UPP2: variants seen among roughly 807,000 people sequenced by gnomAD.
The protein encoded by UPP2 is uridine phosphorylase 2.
UPP2 carries 23 observed loss-of-function variants against 26.7 expected under a neutral mutation model. That is an observed-to-expected ratio of 0.86 (90% CI 0.62 to 1.22). The LOEUF is 1.22. Among genes scored for constraint, UPP2 ranks in the 50% most tolerant of loss-of-function variants. The probability of loss-of-function intolerance (pLI) is 0.00; values close to 1 mark genes in which losing one functional copy is unlikely to be tolerated. For missense variants in UPP2, 387 were observed against 396.7 expected (o/e 0.98, Z 0.21); for synonymous variants, 127 against 141.3 (o/e 0.90, Z 0.72).
intron 3 of UPP2, among the ~76,000 whole-genome samples, chr2:158,047,046 G>A (rs1012858341): frequency 6.6e-6 from 1 of 152,196 alleles, no homozygotes; most frequent in African/African-American, 2.4e-5. Context: ...GTTATAAATA[G>A]AGAAATCAGC....
At chr2:158,105,029 G>C (rs1574293489) in intron 1 of UPP2, among the ~76,000 whole-genome samples, 1 of 61,182 alleles carries the variant, frequency 1.6e-5, no homozygotes, top group Non-Finnish European at 3.6e-5. Context: ...GGGGAGGGGA[G>C]GGGAGGGGAG....
rs761831602 is a variant in UPP2, at chr2:158,123,928, C to T, written c.811+33C>T. On this transcript the variant is annotated intron_variant, in intron 6 of 6. Transcript: ENST00000005756. ...TTTCGTGAATGCTTAGGGTCAAATT[C>T]TCCTCTTTCATGAAGCTACTTTTAC... 4 of 1,601,970 alleles carry T rather than the reference C, an allele frequency of 2.5e-6. No homozygotes were observed. The Admixed American group carries it at 5.1e-5, about 21-fold the overall frequency.
chr2:158,122,734 G>A (rs1574307593), intron 5 of UPP2, among the ~76,000 whole-genome samples: 1 of 152,214 alleles, frequency 6.6e-6, no homozygotes, highest in African/African-American at 2.4e-5. Flanking sequence ...ATGCATGACA[G>A]CCTTGACAAG....
intron 3 of UPP2, among the ~76,000 whole-genome samples, chr2:158,035,898 G>A (rs1683992970): frequency 6.6e-6 from 1 of 152,164 alleles, no homozygotes; most frequent in Admixed American, 6.5e-5. Context: ...TGGAATAGGG[G>A]ATTTCTAGGA....
chr2:157,998,581 C>T (rs1683359765), intron 2 of UPP2, among the ~76,000 whole-genome samples: 3 of 152,062 alleles, frequency 2.0e-5, no homozygotes, highest in African/African-American at 7.2e-5. Flanking sequence ...GTGGCTGGAT[C>T]ACTTGAGATT....
intron 3 of UPP2, among the ~76,000 whole-genome samples, chr2:158,046,545 C>T (rs566574692): frequency 9.2e-5 from 14 of 152,288 alleles, no homozygotes; most frequent in Non-Finnish European, 1.9e-4. Flanking sequence ...AAAGAACTTC[C>T]AAGGAAGCAT....
chr2:158,083,904 T>G (rs905849053), intron 3 of UPP2, among the ~76,000 whole-genome samples: 2 of 149,750 alleles, frequency 1.3e-5, no homozygotes, highest in Non-Finnish European at 3.0e-5. Context: ...TCTTTATCTA[T>G]GGTGATTGAG....
At chr2:158,011,578 A>G (rs60388651) in intron 2 of UPP2, among the ~76,000 whole-genome samples, 73,971 of 150,494 alleles carry the variant, frequency 0.49, 21,610 homozygotes, top group Admixed American at 0.68. Flanking sequence ...AGCTTGGGTA[A>G]GTTGTCCACC....
intron 3 of UPP2, among the ~76,000 whole-genome samples, chr2:158,033,673 C>A (rs1683959138): frequency 6.6e-6 from 1 of 152,166 alleles, no homozygotes; most frequent in African/African-American, 2.4e-5. Context: ...CTGCAGGCAG[C>A]TGTCCAACAC....
chr2:158,123,814 A>G lies in UPP2; in HGVS notation c.730A>G (p.Arg244Gly). 1 of 1,614,118 alleles carries G rather than the reference A, an allele frequency of 6.2e-7. No individual in the cohort carries two copies. The highest frequency in any genetic ancestry group is 1.1e-5 in the South Asian group (1 of 91,074). The part of the protein sequence containing the change: ...SREKKLDYLK[R>G]AFKAGVRNIE... ...AGAAAAAAAGTTAGACTACTTGAAG[A>G]GAGCATTTAAAGCTGGTGTCAGGAA... The change falls in exon 6 of 7, where the codon AGA becomes GGA. Residue 244 changes from arginine to glycine, a missense_variant. Arg to Gly is a moderately radical substitution (Grantham distance 125, BLOSUM62 -2). Coordinates refer to ENST00000005756, the MANE Select transcript of UPP2 (RefSeq NM_173355.4).
At chr2:158,062,465 T>C (rs545677877) in intron 3 of UPP2, among the ~76,000 whole-genome samples, 1 of 152,136 alleles carries the variant, frequency 6.6e-6, no homozygotes, top group South Asian at 2.1e-4. Context: ...ACGTGCAAGG[T>C]TTTTAACCAG....
intron 3 of UPP2, among the ~76,000 whole-genome samples, chr2:158,059,521 A>G (rs936077983): frequency 2.0e-5 from 3 of 152,160 alleles, no homozygotes; most frequent in Admixed American, 2.0e-4. Context: ...GTCATACATC[A>G]TATCTTGGCA....
chr2:158,093,604 C>T (rs1382833223), intron 3 of UPP2, among the ~76,000 whole-genome samples: 1 of 152,006 alleles, frequency 6.6e-6, no homozygotes, highest in African/African-American at 2.4e-5. Context: ...GACTGCCAAA[C>T]ATATATAAAG....
chr2:158,007,109 T>C (rs748429363), intron 2 of UPP2, among the ~76,000 whole-genome samples: 1 of 152,190 alleles, frequency 6.6e-6, no homozygotes, highest in African/African-American at 2.4e-5. Context: ...GCAGCAGCAC[T>C]CAGTAGTAAT....
intron 3 of UPP2, among the ~76,000 whole-genome samples, chr2:158,016,429 C>T (rs1385757800): frequency 6.6e-6 from 1 of 152,018 alleles, no homozygotes; most frequent in Non-Finnish European, 1.5e-5. Flanking sequence ...CAACCTCCAC[C>T]TCCTGGGTTC....
intron 3 of UPP2, among the ~76,000 whole-genome samples, chr2:158,078,151 T>C (rs1027629207): frequency 2.0e-5 from 3 of 152,074 alleles, no homozygotes; most frequent in African/African-American, 4.8e-5. Context: ...AGGAAGGATA[T>C]GGAGAAAAGG....
At chr2:158,083,697 A>T (rs1032398292) in intron 3 of UPP2, among the ~76,000 whole-genome samples, 10 of 151,846 alleles carry the variant, frequency 6.6e-5, no homozygotes, top group Non-Finnish European at 1.0e-4. Context: ...CAGAACTTAA[A>T]GTATAATTAA....
chr2:158,044,676 C>T (rs1057247392), intron 3 of UPP2, among the ~76,000 whole-genome samples: 1 of 152,138 alleles, frequency 6.6e-6, no homozygotes, highest in African/African-American at 2.4e-5. Context: ...TTTTAAGGAA[C>T]AGAAATGCAC....
chr2:158,097,212 C>T (rs1558929278), upstream of UPP2, among the ~76,000 whole-genome samples: 2 of 152,044 alleles, frequency 1.3e-5, no homozygotes, highest in Non-Finnish European at 2.9e-5. Context: ...TCTTATGTGG[C>T]GTTTCCATTT....
Sources: allele counts gnomAD v4.1 joint callset (sites outside exome capture counted in the v4.1 genomes callset), GRCh38; gene constraint gnomAD v4.1.1; transcripts MANE v1.5; gene names NCBI Gene and HGNC (gene_info 2026-07-23, HGNC 2026-07-21).